The following GRSF1 variants were observed in gnomAD, a reference collection of about 807,000 sequenced individuals.
GRSF1 encodes the protein G-rich RNA sequence binding factor 1.
Under a neutral mutation model 51.1 loss-of-function variants are expected in GRSF1, and 50 were observed. That is an observed-to-expected ratio of 0.98 (90% CI 0.78 to 1.24). The LOEUF (loss-of-function observed/expected upper bound fraction) is 1.24, where lower values mean the gene tolerates loss of function less well. Among genes scored for constraint, GRSF1 ranks in the 50% most tolerant of loss-of-function variants. The probability of loss-of-function intolerance (pLI) is 0.00; values close to 1 mark genes in which losing one functional copy is unlikely to be tolerated. For synonymous variants in GRSF1, 293 were observed against 253.3 expected, an observed-to-expected ratio of 1.16 and a Z score of -1.49; for missense variants, 700 against 639.7, an observed-to-expected ratio of 1.09 and a Z score of -1.02.
At chr4:70,822,598 AAAAAAAAC>A (rs1733565528) in intron 9 of GRSF1, among the ~76,000 whole-genome samples, 4 of 7,046 alleles carry the variant, frequency 5.7e-4, no homozygotes, top group African/African-American at 5.5e-4. Flanking sequence ...AAAAAAAAAA[AAAAAAAAC>A]AAAAGTAACC....
chr4:70,842,398 G>A (rs1345310759), upstream of GRSF1, among the ~76,000 whole-genome samples: 1 of 152,190 alleles, frequency 6.6e-6, no homozygotes, highest in Non-Finnish European at 1.5e-5. Context: ...CCAAAAAAGA[G>A]AAGGGGGTTT....
In GRSF1 at chr4:70,836,129, T is replaced by C. The variant is rs189334170; in HGVS notation, c.514+29A>G. On this transcript the variant is annotated intron_variant, in intron 2 of 9. Transcript: ENST00000254799. The stretch of plus-strand genomic sequence containing the variant: ...TGAGAAACAATATAAGGAAAAAAAA[T>C]AAATAAATAAAACATACATAAAATA... 1.8e-5 allele frequency: 23 copies of C among 1,299,616 alleles called. No homozygotes were observed. In the African/African-American group the frequency reaches 3.3e-4, roughly 18 times the overall value. The allele number at this position is 1,299,616 out of a possible 1,614,324, so 80.5% of individuals were successfully genotyped here.
Position 70,825,441 on chromosome 4 carries a change from A to G in GRSF1, c.1258-10T>C, listed in dbSNP as rs1349638480. The G allele has an allele frequency of 6.3e-7, 1 of 1,596,416 alleles. No homozygotes were observed. Among genetic ancestry groups the G allele is most frequent in the African/African-American group, 1.5e-5 (1 of 68,824 alleles). On this transcript the variant is annotated splice_polypyrimidine_tract_variant and intron_variant, in intron 7 of 9. Transcript: ENST00000254799. ...TGAGTGGAGCAAAAAACTAAACGAC[A>G]AACAAAGGCAGTCAAGAGGAACATG...
chr4:70,823,252 C>T (rs1291599707), intron 9 of GRSF1, among the ~76,000 whole-genome samples: 1 of 151,970 alleles, frequency 6.6e-6, no homozygotes, highest in Non-Finnish European at 1.5e-5. Context: ...CAAAAATTAG[C>T]TGGGCGTGGT....
chr4:70,825,437 C>T lies in GRSF1; in HGVS notation c.1258-6G>A, dbSNP rs761622831. The T allele has an allele frequency of 5.0e-6, 8 of 1,603,432 alleles. No homozygotes were observed. The highest frequency in any genetic ancestry group is 1.3e-5 in the African/African-American group (1 of 74,256). Reference sequence around the variant, plus strand: ...GGCTTGAGTGGAGCAAAAAACTAAACGACAAACAAAGGCAGTCAAGAGGAA... The same window carrying T: ...GGCTTGAGTGGAGCAAAAAACTAAATGACAAACAAAGGCAGTCAAGAGGAA... On this transcript the variant is annotated splice_polypyrimidine_tract_variant and splice_region_variant and intron_variant, in intron 7 of 9. Transcript: ENST00000254799.
At chr4:70,835,683 C>T (rs1188235139) in intron 2 of GRSF1, among the ~76,000 whole-genome samples, 3 of 151,990 alleles carry the variant, frequency 2.0e-5, no homozygotes, top group East Asian at 1.9e-4. Context: ...GCTTGTGATC[C>T]GCCCGCCTCG....
chr4:70,816,248 G>A lies in GRSF1; in HGVS notation c.*4639C>T, dbSNP rs1275684903. 1 of 147,962 alleles carries A rather than the reference G, an allele frequency of 6.8e-6. No homozygotes were observed. Among genetic ancestry groups the A allele is most frequent in the Non-Finnish European group, 1.5e-5 (1 of 66,842 alleles). 9.2% of individuals were successfully genotyped at this position (147,962 alleles called of 1,614,324 possible). A position where few individuals can be genotyped will look rare whatever the true frequency, so the allele number is the denominator to read the frequency against. The stretch of plus-strand genomic sequence containing the variant: ...ACCTGTAATCCCAGCTACTCGGGAG[G>A]CTGAGGCAGGAGACTCCCTTGAACC... On this transcript the variant is annotated 3_prime_UTR_variant, in exon 10 of 10. Coordinates refer to ENST00000254799, the MANE Select transcript of GRSF1 (RefSeq NM_002092.4).
intron 8 of GRSF1, 67 bp downstream of exon 8, chr4:70,825,229 A>C: frequency 7.4e-7 from 1 of 1,354,624 alleles, no homozygotes; most frequent in Admixed American, 2.2e-5. Context: ...ATCCCAAAAC[A>C]GAAAAAGATA....
At position 70,819,884 on chromosome 4, in the gene GRSF1, C is replaced by T. The variant is rs1188273528; in HGVS notation, c.*1003G>A. Reference sequence around the variant, plus strand: ...AGCAGAAAGTACTGCCACATTGTGACAGAAGTACAGCTTTATCCATAAACC... The same window carrying T: ...AGCAGAAAGTACTGCCACATTGTGATAGAAGTACAGCTTTATCCATAAACC... On this transcript the variant is annotated 3_prime_UTR_variant, in exon 10 of 10. Coordinates refer to ENST00000254799, the MANE Select transcript of GRSF1 (RefSeq NM_002092.4). 6.6e-6 allele frequency: 1 copy of T among 152,628 alleles called. No individual in the cohort carries two copies. The highest frequency in any genetic ancestry group is 1.9e-4 in the East Asian group (1 of 5,202). 9.5% of individuals were successfully genotyped at this position (152,628 alleles called of 1,614,324 possible). A position where few individuals can be genotyped will look rare whatever the true frequency, so the allele number is the denominator to read the frequency against.
intron 9 of GRSF1, among the ~76,000 whole-genome samples, chr4:70,823,974 C>CTTTT (rs577909875): frequency 0.68 from 68,373 of 100,820 alleles, 26,075 homozygotes; most frequent in Non-Finnish European, 0.81. Context: ...TTGTATCTCT[C>CTTTT]TCTTTTTTTT....
In GRSF1 at chr4:70,817,786, G is replaced by C. The variant is rs577784484; in HGVS notation, c.*3101C>G. On this transcript the variant is annotated 3_prime_UTR_variant, in exon 10 of 10. Coordinates refer to ENST00000254799, the MANE Select transcript of GRSF1 (RefSeq NM_002092.4). Reference sequence around the variant, plus strand: ...GTATTTACCCAAAGGAGCTGAAAACGAGTCTACACAAAAACCTGCACATAA... The same window carrying C: ...GTATTTACCCAAAGGAGCTGAAAACCAGTCTACACAAAAACCTGCACATAA... 1 of 151,224 alleles carries C rather than the reference G, an allele frequency of 6.6e-6. No homozygotes were observed. Among genetic ancestry groups the C allele is most frequent in the Non-Finnish European group, 1.5e-5 (1 of 67,678 alleles). The allele number at this position is 151,224 out of a possible 1,614,324, so 9.4% of individuals were successfully genotyped here.
rs150660924 is a variant in GRSF1, at chr4:70,823,754, C to T, written c.*25+540G>A. The stretch of plus-strand genomic sequence containing the variant: ...GCATGGTAGTACACACCTGTAGTCC[C>T]AGCTACTTGGGAGGCTGAAGTGAGA... On this transcript the variant is annotated intron_variant, in intron 9 of 9. Transcript: ENST00000254799. Among the ~76,000 whole-genome samples the T allele has an allele frequency of 7.2e-5, 11 of 151,928 alleles. No homozygotes were observed. In the East Asian group the frequency reaches 2.1e-3, roughly 30 times the overall value.
chr4:70,834,903 G>A lies in GRSF1; in HGVS notation c.514+1255C>T, dbSNP rs370538963. 5.3e-5 allele frequency among the ~76,000 whole-genome samples: 8 copies of A among 152,148 alleles called. 1 individual carries two copies. The highest frequency in any genetic ancestry group is 1.9e-4 in the African/African-American group (8 of 41,540). ...CTCCCAAAGTGCTGGGATTACAGGC[G>A]TGAGCCACCGCACTTGGACCCGATA... On this transcript the variant is annotated intron_variant, in intron 2 of 9. Coordinates refer to ENST00000254799, the MANE Select transcript of GRSF1 (RefSeq NM_002092.4).
Position 70,832,352 on chromosome 4 carries a change from G to T in GRSF1, c.769C>A (p.Leu257Ile). 1 of 1,613,200 alleles carries T rather than the reference G, an allele frequency of 6.2e-7. No individual in the cohort carries two copies. Among genetic ancestry groups the T allele is most frequent in the Non-Finnish European group, 8.5e-7 (1 of 1,179,516 alleles). ...TCTTTCTCATTGCAACTATAAGGAA[G>T]TCCTCTCAAACGAACCACACCATCA... is the stretch of plus-strand genomic sequence containing the variant. Reference protein sequence around the residue: ...VNDGVVRLRGLPYSCNEKDIV... With the variant: ...VNDGVVRLRGIPYSCNEKDIV... The change falls in exon 4 of 10, where the codon CTT becomes ATT. Residue 257 changes from leucine to isoleucine, a missense_variant. By Grantham distance (5) the Leu-to-Ile change is conservative (BLOSUM62 2). Transcript: ENST00000254799.
rs934079715 is a variant in GRSF1, at chr4:70,818,508, C to T, written c.*2379G>A. Reference sequence around the variant, plus strand: ...TGGAGCCTTCCTCCCAGGGAAGATTCGGTCCCCCTTCCCACATGACAGAAG... The same window carrying T: ...TGGAGCCTTCCTCCCAGGGAAGATTTGGTCCCCCTTCCCACATGACAGAAG... On this transcript the variant is annotated 3_prime_UTR_variant, in exon 10 of 10. Transcript: ENST00000254799. The T allele has an allele frequency of 4.6e-5, 7 of 152,180 alleles. No individual in the cohort carries two copies. Among genetic ancestry groups the T allele is most frequent in the African/African-American group, 1.7e-4 (7 of 41,448 alleles). The allele number at this position is 152,180 out of a possible 1,614,324, so 9.4% of individuals were successfully genotyped here.
At chr4:70,839,094 G>C in intron 1 of GRSF1, 1 of 1,275,360 alleles carries the variant, frequency 7.8e-7, no homozygotes, top group Non-Finnish European at 1.0e-6. Context: ...CCTCCGGCGG[G>C]CTCGGGCCTC....
chr4:70,839,359 C>G, intron 1 of GRSF1, 112 bp downstream of exon 1: 1 of 1,505,094 alleles, frequency 6.6e-7, no homozygotes, highest in Non-Finnish European at 8.9e-7. Flanking sequence ...GCGAGTGTCG[C>G]GGATCCCCGG....
At chr4:70,823,970 C>A (rs931696425) in intron 9 of GRSF1, among the ~76,000 whole-genome samples, 2 of 33,128 alleles carry the variant, frequency 6.0e-5, no homozygotes, top group Non-Finnish European at 2.3e-4. Context: ...ACAGTTGTAT[C>A]TCTCTCTTTT....
upstream of GRSF1, among the ~76,000 whole-genome samples, chr4:70,840,903 T>C (rs1734439526): frequency 6.6e-6 from 1 of 151,960 alleles, no homozygotes; most frequent in African/African-American, 2.4e-5. Flanking sequence ...CTGAAAGGAA[T>C]TGTGATACCT....
Sources: allele counts gnomAD v4.1 joint callset (sites outside exome capture counted in the v4.1 genomes callset), GRCh38; gene constraint gnomAD v4.1.1; transcripts MANE v1.5; gene names NCBI Gene and HGNC (gene_info 2026-07-23, HGNC 2026-07-21).